FANCC: variants seen among roughly 807,000 people sequenced by gnomAD.
The protein encoded by FANCC is FA complementation group C.
In FANCC, 55 loss-of-function variants were observed where a neutral mutation model predicts 71.3. That is an observed-to-expected ratio of 0.77 (90% CI 0.62 to 0.97). The LOEUF (loss-of-function observed/expected upper bound fraction) is 0.97, where lower values mean the gene tolerates loss of function less well. Among genes scored for constraint, FANCC ranks in the 50% least tolerant of loss-of-function variants. The pLI, the probability that FANCC is intolerant of heterozygous loss-of-function variation, is 0.00. For missense variants in FANCC, 678 were observed against 670.9 expected (o/e 1.01, Z -0.12); for synonymous variants, 275 against 244.9 (o/e 1.12, Z -1.15).
chr9:95,300,300 G>A (rs1335405300), intron 1 of FANCC, among the ~76,000 whole-genome samples: 1 of 152,040 alleles, frequency 6.6e-6, no homozygotes, highest in Non-Finnish European at 1.5e-5. Flanking sequence ...CCAAAATATG[G>A]AGGAGAAAAT....
chr9:95,100,637 A>T lies in FANCC; in HGVS notation c.*1070T>A, dbSNP rs1018763185. The T allele has an allele frequency of 4.4e-6, 1 of 229,172 alleles. No individual in the cohort carries two copies. The allele number at this position is 229,172 out of a possible 1,614,324, so 14.2% of individuals were successfully genotyped here. Reference sequence around the variant, plus strand: ...TGTTAACCTTGAGATTACACTAACAATGCCTTTTTTTAAGAGATGGTCTCG... The same window carrying T: ...TGTTAACCTTGAGATTACACTAACATTGCCTTTTTTTAAGAGATGGTCTCG... On this transcript the variant is annotated 3_prime_UTR_variant, in exon 15 of 15. Coordinates refer to ENST00000289081, the MANE Select transcript of FANCC (RefSeq NM_000136.3).
chr9:95,220,582 G>C (rs1829183372), intron 4 of FANCC, among the ~76,000 whole-genome samples: 2 of 152,132 alleles, frequency 1.3e-5, no homozygotes. Flanking sequence ...CATGGATGAA[G>C]CTGGAAACCA....
At chr9:95,182,041 G>A (rs1436472596) in intron 4 of FANCC, among the ~76,000 whole-genome samples, 1 of 152,186 alleles carries the variant, frequency 6.6e-6, no homozygotes, top group African/African-American at 2.4e-5. Flanking sequence ...TGTGGAGGAA[G>A]GGTTGTGGGT....
At chr9:95,171,051 G>C (rs2135577611) in intron 6 of FANCC, 28 bp downstream of exon 6, 1 of 1,582,752 alleles carries the variant, frequency 6.3e-7, no homozygotes, top group Non-Finnish European at 8.7e-7. Flanking sequence ...TGAAACCTGA[G>C]AAGAAGGATG....
intron 9 of FANCC, among the ~76,000 whole-genome samples, chr9:95,125,984 G>A (rs759447248): frequency 8.5e-5 from 13 of 152,204 alleles, no homozygotes; most frequent in Admixed American, 2.0e-4. Context: ...CTTCATGGCT[G>A]TGAGCTCCTC....
chr9:95,213,308 A>G (rs1828624447), intron 4 of FANCC, among the ~76,000 whole-genome samples: 1 of 152,160 alleles, frequency 6.6e-6, no homozygotes, highest in African/African-American at 2.4e-5. Flanking sequence ...AGATGAAAGG[A>G]AACAGTAAAA....
At position 95,114,473 on chromosome 9, in the gene FANCC, C is replaced by G; in HGVS notation, c.1154+156G>C. 5 of 754,306 alleles carry G rather than the reference C, an allele frequency of 6.6e-6. No individual in the cohort carries two copies. The South Asian group carries it at 7.2e-5, about 11-fold the overall frequency. The allele number at this position is 754,306 out of a possible 1,614,324, so 46.7% of individuals were successfully genotyped here. ...GCTCCAAGCCATCCGTGCAGCCATG[C>G]GCTTCCTCCACTTCTCACTTCACCA... On this transcript the variant is annotated intron_variant, in intron 12 of 14. Coordinates refer to ENST00000289081, the MANE Select transcript of FANCC (RefSeq NM_000136.3).
intron 6 of FANCC, among the ~76,000 whole-genome samples, chr9:95,169,084 T>C (rs1184853133): frequency 2.6e-5 from 4 of 152,296 alleles, no homozygotes; most frequent in African/African-American, 9.6e-5. Context: ...AATTTGGATA[T>C]GCCACAGAGA....
intron 1 of FANCC, among the ~76,000 whole-genome samples, chr9:95,280,224 C>T (rs936220069): frequency 2.6e-5 from 4 of 152,058 alleles, no homozygotes; most frequent in African/African-American, 9.7e-5. Context: ...AAGGGTCAAT[C>T]CATCAGGAAG....
chr9:95,167,790 A>T (rs1825392979), intron 6 of FANCC, among the ~76,000 whole-genome samples: 1 of 152,144 alleles, frequency 6.6e-6, no homozygotes, highest in South Asian at 2.1e-4. Flanking sequence ...TCAAATACTT[A>T]GTCAGGTAAT....
chr9:95,104,032 G>A (rs978166017), intron 14 of FANCC, among the ~76,000 whole-genome samples: 4 of 152,148 alleles, frequency 2.6e-5, no homozygotes, highest in African/African-American at 7.2e-5. Flanking sequence ...GACCCAAGCT[G>A]TAGGAGGGAA....
At chr9:95,236,355 A>G (rs1830318603) in intron 4 of FANCC, among the ~76,000 whole-genome samples, 1 of 152,178 alleles carries the variant, frequency 6.6e-6, no homozygotes, top group Non-Finnish European at 1.5e-5. Context: ...GGTGCTCAAA[A>G]AGTATCTGTT....
At chr9:95,202,415 G>T (rs1330823111) in intron 4 of FANCC, among the ~76,000 whole-genome samples, 1 of 152,174 alleles carries the variant, frequency 6.6e-6, no homozygotes, top group Non-Finnish European at 1.5e-5. Flanking sequence ...TTCTAGCACA[G>T]GTTAGGAGTG....
At chr9:95,307,242 C>G (rs1389362398) in intron 1 of FANCC, among the ~76,000 whole-genome samples, 1 of 151,934 alleles carries the variant, frequency 6.6e-6, no homozygotes, top group Non-Finnish European at 1.5e-5. Context: ...CCCATATAAT[C>G]TATATGGAAA....
intron 7 of FANCC, among the ~76,000 whole-genome samples, chr9:95,138,647 G>T (rs951388931): frequency 2.6e-5 from 4 of 152,192 alleles, no homozygotes; most frequent in African/African-American, 9.7e-5. Flanking sequence ...TGCAGTGAGA[G>T]GTCTTCTGCC....
In FANCC at chr9:95,169,994, G is replaced by T. The variant is rs181545896; in HGVS notation, c.521+1085C>A. ...GCATTCTGATCCTTTGTTTCTATTT[G>T]TTAACAGATTTTAAAAATTATTTTG... On this transcript the variant is annotated intron_variant, in intron 6 of 14. Transcript: ENST00000289081. Among the ~76,000 whole-genome samples, 13 of 151,892 alleles carry T rather than the reference G, an allele frequency of 8.6e-5. No individual in the cohort carries two copies. The East Asian group carries it at 2.5e-3, about 29-fold the overall frequency.
rs1826074469 is a variant in FANCC, at chr9:95,177,372, T to C, written c.346-5225A>G. On this transcript the variant is annotated intron_variant, in intron 4 of 14. Transcript: ENST00000289081. ...GAGCCTGAAGAACTGGAAGTTGCTC[T>C]GGGTGAGTAAATGGGGAGTGAATAT... Among the ~76,000 whole-genome samples the C allele has an allele frequency of 2.0e-5, 3 of 152,314 alleles. No homozygotes were observed. The South Asian group carries it at 6.2e-4, about 32-fold the overall frequency.
intron 4 of FANCC, among the ~76,000 whole-genome samples, chr9:95,206,734 C>A (rs970833016): frequency 3.3e-5 from 5 of 152,180 alleles, no homozygotes; most frequent in African/African-American, 9.6e-5. Flanking sequence ...ACCCTTACAT[C>A]TGTCCAGTGA....
At position 95,222,734 on chromosome 9, in the gene FANCC, A is replaced by G. The variant is rs139110917; in HGVS notation, c.345+17915T>C. ...TAAAAGCAACAAATTAAAAGATTAA[A>G]AGAAAAAAGCCCACTTATGATTCCA... On this transcript the variant is annotated intron_variant, in intron 4 of 14. Transcript: ENST00000289081. 3.0e-3 allele frequency among the ~76,000 whole-genome samples: 460 copies of G among 152,352 alleles called. 3 individuals are homozygous for G. The highest frequency in any genetic ancestry group is 0.011 in the African/African-American group (440 of 41,588).
Sources: allele counts gnomAD v4.1 joint callset (sites outside exome capture counted in the v4.1 genomes callset), GRCh38; gene constraint gnomAD v4.1.1; transcripts MANE v1.5; gene names NCBI Gene and HGNC (gene_info 2026-07-23, HGNC 2026-07-21).